Variants in RAB30 observed in about 807,000 individuals in gnomAD.
RAB30 encodes RAB30, member RAS oncogene family.
A neutral mutation model predicts 25.1 loss-of-function variants in RAB30; 9 were observed. The ratio of observed to expected loss-of-function variants is 0.36; its 90% CI spans 0.22 to 0.63. The LOEUF is 0.63. RAB30 is among the 20% of genes least tolerant of loss of function. RAB30 has a pLI of 0.69. For synonymous variants in RAB30, 77 were observed against 86.4 expected, an observed-to-expected ratio of 0.89 and a Z score of 0.60; for missense variants, 140 against 243.5, an observed-to-expected ratio of 0.58 and a Z score of 2.83.
intron 1 of RAB30, among the ~76,000 whole-genome samples, chr11:83,030,195 T>A (rs11605823): frequency 0.068 from 10,315 of 152,032 alleles, 756 homozygotes; most frequent in African/African-American, 0.18. Context: ...TTTAAAAAAA[T>A]TTTTTTAATG....
chr11:83,067,041 AAC>A (rs769721946), intron 1 of RAB30, among the ~76,000 whole-genome samples: 44 of 152,262 alleles, frequency 2.9e-4, no homozygotes, highest in Non-Finnish European at 4.9e-4. Context: ...GGTGCCTGGA[AAC>A]ACAGTCTGGA....
chr11:83,010,177 G>C (rs567816817), intron 1 of RAB30, among the ~76,000 whole-genome samples: 6 of 152,318 alleles, frequency 3.9e-5, no homozygotes, highest in African/African-American at 1.4e-4. Flanking sequence ...TGGACTGGGC[G>C]TGGTGGCTTG....
At chr11:83,041,919 G>A (rs1163260814) in intron 1 of RAB30, among the ~76,000 whole-genome samples, 1 of 151,258 alleles carries the variant, frequency 6.6e-6, no homozygotes, top group African/African-American at 2.4e-5. Flanking sequence ...GCACATGCCT[G>A]TAATCTCAGC....
chr11:83,014,702 A>G (rs904429827), intron 1 of RAB30, among the ~76,000 whole-genome samples: 5 of 142,762 alleles, frequency 3.5e-5, no homozygotes, highest in African/African-American at 1.0e-4. Context: ...AAGAGAAAGG[A>G]AGGAAGGAAG....
chr11:83,051,007 C>T (rs1858346534), intron 1 of RAB30, among the ~76,000 whole-genome samples: 1 of 152,162 alleles, frequency 6.6e-6, no homozygotes, highest in Non-Finnish European at 1.5e-5. Context: ...TTGTTTTCTT[C>T]CTGGGCAAAC....
intron 1 of RAB30, among the ~76,000 whole-genome samples, chr11:83,006,240 T>C (rs1280850690): frequency 2.0e-5 from 3 of 152,204 alleles, no homozygotes; most frequent in Non-Finnish European, 4.4e-5. Flanking sequence ...ATCACATTTA[T>C]ACTCACAAAG....
chr11:83,045,271 T>C (rs904198450), intron 1 of RAB30, among the ~76,000 whole-genome samples: 2 of 152,140 alleles, frequency 1.3e-5, no homozygotes, highest in African/African-American at 4.8e-5. Context: ...CAACTGAAAC[T>C]ACAGGCATCC....
intron 3 of RAB30, among the ~76,000 whole-genome samples, chr11:82,989,761 G>A (rs1043307545): frequency 2.0e-5 from 3 of 152,202 alleles, no homozygotes; most frequent in Middle Eastern, 3.2e-3. Context: ...TCTCATAGGG[G>A]GCTGCCTGTT....
intron 1 of RAB30, among the ~76,000 whole-genome samples, chr11:83,012,430 T>G (rs536384954): frequency 2.0e-5 from 3 of 152,316 alleles, no homozygotes; most frequent in African/African-American, 7.2e-5. Flanking sequence ...AGGGCAAACT[T>G]TGGAGCCACA....
intron 1 of RAB30, among the ~76,000 whole-genome samples, chr11:83,043,783 G>GAA (rs1193420401): frequency 6.6e-6 from 1 of 151,692 alleles, no homozygotes; most frequent in Non-Finnish European, 1.5e-5. Flanking sequence ...AAATTAGATA[G>GAA]AAAAAAAACC....
intron 3 of RAB30, among the ~76,000 whole-genome samples, chr11:82,990,354 A>G (rs1459950024): frequency 6.6e-6 from 1 of 152,250 alleles, no homozygotes; most frequent in Non-Finnish European, 1.5e-5. Flanking sequence ...ATGATGGCTA[A>G]CTAAATGAAC....
At chr11:82,982,446 C>T in intron 4 of RAB30, 31 bp from the exon 5 acceptor site, 1 of 1,600,218 alleles carries the variant, frequency 6.2e-7, no homozygotes, top group Non-Finnish European at 8.5e-7. Context: ...AATAAAGAAT[C>T]AGCATTTGAC....
At chr11:83,017,756 T>C (rs1857471060) in intron 1 of RAB30, among the ~76,000 whole-genome samples, 1 of 152,236 alleles carries the variant, frequency 6.6e-6, no homozygotes, top group Non-Finnish European at 1.5e-5. Context: ...ATATATACCA[T>C]ATTTTCTTTA....
chr11:83,010,825 T>C (rs1857286883), intron 1 of RAB30, among the ~76,000 whole-genome samples: 1 of 152,102 alleles, frequency 6.6e-6, no homozygotes, highest in Non-Finnish European at 1.5e-5. Flanking sequence ...TCTAAAACAG[T>C]AAAGAACTAG....
intron 1 of RAB30, among the ~76,000 whole-genome samples, chr11:83,015,476 G>C (rs767272856): frequency 2.0e-5 from 3 of 152,192 alleles, no homozygotes; most frequent in African/African-American, 4.8e-5. Flanking sequence ...TGGGAAAACT[G>C]AGATTGGAGT....
rs1463527951 is a variant in RAB30 at position 82,977,503 on chromosome 11, AGAGGCTATTACCT to A, written c.*4649_*4661del. 3.3e-5 allele frequency: 5 copies of A among 152,196 alleles called. No individual in the cohort carries two copies. The highest frequency in any genetic ancestry group is 3.3e-4 in the Admixed American group (5 of 15,270). 9.4% of individuals were successfully genotyped at this position (152,196 alleles called of 1,614,324 possible). On this transcript the variant is annotated 3_prime_UTR_variant, in exon 5 of 5. Transcript: ENST00000527633. Reference sequence around the variant, plus strand: ...CCTCTCCACATCTTTGCCTCTTGACAGAGGCTATTACCTGAGGCAGACTGTCCCATAGTGAACC... The same window carrying A: ...CCTCTCCACATCTTTGCCTCTTGACAGAGGCAGACTGTCCCATAGTGAACC...
At chr11:82,988,166 AT>A (rs1856778565) in intron 3 of RAB30, among the ~76,000 whole-genome samples, 1 of 152,200 alleles carries the variant, frequency 6.6e-6, no homozygotes, top group Non-Finnish European at 1.5e-5. Context: ...TACTATCATA[AT>A]ACCCATTTCT....
At chr11:83,061,710 CTTTTTTTT>C (rs569263010) in intron 1 of RAB30, among the ~76,000 whole-genome samples, 2 of 79,908 alleles carry the variant, frequency 2.5e-5, no homozygotes, top group Non-Finnish European at 4.6e-5. Context: ...TCTTTCTTTT[CTTTTTTTT>C]TTTTTTTTTT....
At chr11:83,015,941 C>A (rs1033216998) in intron 1 of RAB30, among the ~76,000 whole-genome samples, 1 of 152,112 alleles carries the variant, frequency 6.6e-6, no homozygotes, top group Non-Finnish European at 1.5e-5. Flanking sequence ...AGTTTGAGAC[C>A]AGCTTGGGCA....
Sources: gnomAD v4.1 joint callset for allele counts (sites outside exome capture counted in the v4.1 genomes callset) on GRCh38, gnomAD v4.1.1 for gene constraint, MANE v1.5 for transcripts, NCBI Gene and HGNC (gene_info 2026-07-23, HGNC 2026-07-21) for gene names.